DEFB109B: variants seen among roughly 807,000 people sequenced by gnomAD.
DEFB109B encodes the protein beta-defensin 109B.
At chr8:7,310,689 C>G (rs914366951), upstream of DEFB109B, among the ~76,000 whole-genome samples, 2 of 147,296 alleles carry the variant, frequency 1.4e-5, no homozygotes, top group African/African-American at 5.4e-5. Flanking sequence ...AAACTATACT[C>G]TTAGGGATGG....
At chr8:7,316,694 T>A (rs1802955481) in intron 1 of DEFB109B, among the ~76,000 whole-genome samples, 4 of 145,074 alleles carry the variant, frequency 2.8e-5, no homozygotes, top group African/African-American at 1.1e-4. Flanking sequence ...TGTTGCAATC[T>A]TGGCTCACTA....
upstream of DEFB109B, among the ~76,000 whole-genome samples, chr8:7,312,513 A>C (rs1464725113): frequency 1.4e-5 from 2 of 146,134 alleles, no homozygotes; most frequent in African/African-American, 5.6e-5. Flanking sequence ...AGTTCCTACT[A>C]TATTGCCTGG....
In DEFB109B at chr8:7,315,439, C is replaced by T. The variant is rs180843274; in HGVS notation, n.58+2536C>T. On this transcript the variant is annotated intron_variant and non_coding_transcript_variant, in intron 1 of 1. Coordinates refer to ENST00000382656, the Ensembl canonical transcript of DEFB109B. ...ACTTGAACCCTGGAGGCGGAGGTTGCGGTGAGCCGAGATCGTGCCATTGCA... is the reference window on the plus strand; with the variant it reads ...ACTTGAACCCTGGAGGCGGAGGTTGTGGTGAGCCGAGATCGTGCCATTGCA... 2.7e-3 allele frequency among the ~76,000 whole-genome samples: 357 copies of T among 132,096 alleles called. 4 individuals are homozygous for T. The highest frequency in any genetic ancestry group is 0.01 in the African/African-American group (266 of 26,590). The allele number at this position is 132,096 out of a possible 152,430, so 86.7% of individuals were successfully genotyped here.
rs538839538 is a variant in DEFB109B at position 7,313,732 on chromosome 8, G to T, written n.58+829G>T. Among the ~76,000 whole-genome samples, 673 of 140,180 alleles carry T rather than the reference G, an allele frequency of 4.8e-3. 146 individuals are homozygous for T. Among genetic ancestry groups the T allele is most frequent in the African/African-American group, 0.021 (646 of 31,224 alleles). 92.0% of individuals were successfully genotyped at this position (140,180 alleles called of 152,430 possible). A position where few individuals can be genotyped will look rare whatever the true frequency, so the allele number is the denominator to read the frequency against. ...GCATAATAAACCTAAAGAAGATAAA[G>T]GGAAAATTATAAATACAAAATATAA... is the stretch of plus-strand genomic sequence containing the variant. On this transcript the variant is annotated intron_variant and non_coding_transcript_variant, in intron 1 of 1. Transcript: ENST00000382656.
intron 1 of DEFB109B, among the ~76,000 whole-genome samples, chr8:7,316,636 GT>G (rs1241238265): frequency 7.9e-6 from 1 of 126,242 alleles, no homozygotes; most frequent in Non-Finnish European, 1.6e-5. Context: ...GTTTTGTTTT[GT>G]TTTTTTGGAG....
At chr8:7,310,700 G>T (rs1401365669), upstream of DEFB109B, among the ~76,000 whole-genome samples, 3 of 147,320 alleles carry the variant, frequency 2.0e-5, no homozygotes, top group Non-Finnish European at 2.9e-5. Flanking sequence ...TTAGGGATGG[G>T]GTTAAGCTAC....
upstream of DEFB109B, among the ~76,000 whole-genome samples, chr8:7,309,779 T>A (rs1008724008): frequency 7.0e-5 from 9 of 127,680 alleles, 1 homozygote; most frequent in African/African-American, 3.4e-4. Context: ...TTAAGCAACA[T>A]GTTGCCTTAT....
chr8:7,315,237 G>A (rs1802826484), intron 1 of DEFB109B, among the ~76,000 whole-genome samples: 1 of 113,340 alleles, frequency 8.8e-6, no homozygotes. Flanking sequence ...CATTAGTGGG[G>A]CCACACGCGG....
exon 2 of DEFB109B, chr8:7,319,793 G>T (rs1803201603): frequency 1.5e-5 from 2 of 137,918 alleles, no homozygotes; most frequent in Admixed American, 1.4e-4. Flanking sequence ...CAATTTGTTT[G>T]GTGTTTGCAG....
chr8:7,313,782 C>CT (rs1296684396), intron 1 of DEFB109B, among the ~76,000 whole-genome samples: 1 of 119,764 alleles, frequency 8.3e-6, no homozygotes. Context: ...TGAGAAAAAA[C>CT]AGTATTTTAA....
chr8:7,318,582 A>G (rs1363039807), intron 1 of DEFB109B: 1 of 129,820 alleles, frequency 7.7e-6, no homozygotes, highest in Non-Finnish European at 1.5e-5. Flanking sequence ...GGATCCATTT[A>G]TTATTAAATA....
chr8:7,319,342 C>A (rs891685853), intron 1 of DEFB109B: 20 of 145,308 alleles, frequency 1.4e-4, no homozygotes, highest in Non-Finnish European at 2.5e-4. Context: ...CCAGAAACAT[C>A]TTTTTTGGCT....
At chr8:7,319,318 G>C (rs1476249662) in intron 1 of DEFB109B, 1 of 143,734 alleles carries the variant, frequency 7.0e-6, no homozygotes, top group Non-Finnish European at 1.5e-5. Context: ...GCTGAAATCA[G>C]CATACCTGAG....
chr8:7,310,664 T>A (rs1373050729), upstream of DEFB109B, among the ~76,000 whole-genome samples: 1 of 146,676 alleles, frequency 6.8e-6, no homozygotes, highest in Non-Finnish European at 1.5e-5. Flanking sequence ...TCCACATAGG[T>A]TTGGGGCTGA....
chr8:7,310,545 C>A (rs1305784982), upstream of DEFB109B, among the ~76,000 whole-genome samples: 1 of 138,810 alleles, frequency 7.2e-6, no homozygotes. Context: ...AGCTGTCTAT[C>A]CAAGATTGTC....
intron 1 of DEFB109B, among the ~76,000 whole-genome samples, chr8:7,316,813 A>ATT (rs371963220): frequency 3.0e-5 from 3 of 99,192 alleles, no homozygotes; most frequent in Non-Finnish European, 5.7e-5. Flanking sequence ...ATATATATAC[A>ATT]TTTTTTTTTA....
chr8:7,317,196 T>C (rs1433848537), intron 1 of DEFB109B, among the ~76,000 whole-genome samples: 1 of 139,700 alleles, frequency 7.2e-6, no homozygotes, highest in African/African-American at 3.3e-5. Flanking sequence ...CATTCTACAG[T>C]CTGAAATAAG....
chr8:7,315,403 G>A (rs1802844168), intron 1 of DEFB109B, among the ~76,000 whole-genome samples: 1 of 138,030 alleles, frequency 7.2e-6, no homozygotes. Flanking sequence ...GGAGGCTGAG[G>A]CAGGACAATC....
At chr8:7,315,764 A>G (rs562267927) in intron 1 of DEFB109B, among the ~76,000 whole-genome samples, 1 of 144,118 alleles carries the variant, frequency 6.9e-6, no homozygotes, top group Non-Finnish European at 1.5e-5. Context: ...TTTTTTCAGT[A>G]GGGCTTCATT....
Sources: allele counts gnomAD v4.1 joint callset (sites outside exome capture counted in the v4.1 genomes callset), GRCh38; gene constraint gnomAD v4.1.1; transcripts MANE v1.5; gene names NCBI Gene and HGNC (gene_info 2026-07-23, HGNC 2026-07-21).